The following PCDHGA11 variants were observed in gnomAD, a reference collection of about 807,000 sequenced individuals.
The protein encoded by PCDHGA11 is protocadherin gamma subfamily A, 11.
In PCDHGA11, 39 loss-of-function variants were observed where a neutral mutation model predicts 60.4. That is an observed-to-expected ratio of 0.65 (90% confidence interval 0.50 to 0.84). The LOEUF (loss-of-function observed/expected upper bound fraction) is 0.84. Ranked by LOEUF, PCDHGA11 falls within the 40% of genes least tolerant of loss-of-function variation. PCDHGA11 has a pLI of 0.00. For missense variants in PCDHGA11, 1,165 were observed against 1,197.7 expected (o/e 0.97, Z 0.40); for synonymous variants, 533 against 510.3 (o/e 1.04, Z -0.60).
rs768135284 is a variant in PCDHGA11, at chr5:141,489,277, T to C, written c.2434-5530T>C. ...GACACTCCCACAGCTCGCTGGGAAA[T>C]GGCAAGTGCTGTGCATGTTGTCCTT... On this transcript the variant is annotated intron_variant, in intron 1 of 3. Transcript: ENST00000398587. This position sits in a 1 kb window ranked among gnomAD's most constrained non-coding sequence, Gnocchi z 4.5. 7.1e-6 allele frequency: 11 copies of C among 1,556,078 alleles called. No individual in the cohort carries two copies. Among genetic ancestry groups the C allele is most frequent in the South Asian group, 3.7e-5 (3 of 80,348 alleles).
rs2099747616 is a variant in PCDHGA11 at position 141,493,318 on chromosome 5, TA to T, written c.2434-1487del. 6.6e-6 allele frequency among the ~76,000 whole-genome samples: 1 copy of T among 152,234 alleles called. No homozygotes were observed. Among genetic ancestry groups the T allele is most frequent in the South Asian group, 2.1e-4 (1 of 4,828 alleles). On this transcript the variant is annotated intron_variant, in intron 1 of 3. Coordinates refer to ENST00000398587, the MANE Select transcript of PCDHGA11 (RefSeq NM_018914.3). This position sits in a 1 kb window ranked among gnomAD's most constrained non-coding sequence, Gnocchi z 4.3. ...TTCACAGAGCAAGTAAGAGAGATTC[TA>T]ACCCCTGTCTAACTCCAGAATGTGT...
At chr5:141,505,977 G>A (rs944259753) in intron 3 of PCDHGA11, among the ~76,000 whole-genome samples, 1 of 152,150 alleles carries the variant, frequency 6.6e-6, no homozygotes, top group East Asian at 1.9e-4. Flanking sequence ...CCAGCCGAGA[G>A]AACACCTCCT....
chr5:141,467,952 C>A (rs1341210155), intron 1 of PCDHGA11, among the ~76,000 whole-genome samples: 1 of 152,186 alleles, frequency 6.6e-6, no homozygotes, highest in Non-Finnish European at 1.5e-5. Flanking sequence ...AGCCACCACA[C>A]CCGGCTGCCA....
chr5:141,426,958 C>A (rs1176636556), intron 1 of PCDHGA11: 1 of 456,728 alleles, frequency 2.2e-6, no homozygotes, highest in South Asian at 1.5e-5. Context: ...GGCACTGCTG[C>A]AATTCAAATT....
chr5:141,431,828 C>T lies in PCDHGA11; in HGVS notation c.2433+8168C>T. The T allele has an allele frequency of 6.2e-7, 1 of 1,610,208 alleles. No individual in the cohort carries two copies. Among genetic ancestry groups the T allele is most frequent in the Non-Finnish European group, 8.5e-7 (1 of 1,176,374 alleles). On this transcript the variant is annotated intron_variant, in intron 1 of 3. Transcript: ENST00000398587. This position sits in a 1 kb window ranked among gnomAD's most constrained non-coding sequence, Gnocchi z 4.8. Reference sequence around the variant, plus strand: ...CCTCACCTCTCTCGCCAGCTCGGTTCCCGAAAACTCTCCCAGAGGGACATT... The same window carrying T: ...CCTCACCTCTCTCGCCAGCTCGGTTTCCGAAAACTCTCCCAGAGGGACATT...
Position 141,511,502 on chromosome 5 carries a change from A to C in PCDHGA11, c.*329A>C. The C allele has an allele frequency of 2.0e-5, 8 of 395,260 alleles. No individual in the cohort carries two copies. The highest frequency in any genetic ancestry group is 4.1e-5 in the African/African-American group (2 of 48,892). The allele number at this position is 395,260 out of a possible 1,614,324, so 24.5% of individuals were successfully genotyped here. A position where few individuals can be genotyped will look rare whatever the true frequency, so the allele number is the denominator to read the frequency against. ...CTGAACTCCTCCATCTTCCAAATCA[A>C]TCAGGCCCATCCATCCCATGCCTCC... On this transcript the variant is annotated 3_prime_UTR_variant, in exon 4 of 4. Transcript: ENST00000398587.
chr5:141,477,438 C>G lies in PCDHGA11; in HGVS notation c.2434-17369C>G. 6.2e-7 allele frequency: 1 copy of G among 1,614,174 alleles called. No homozygotes were observed. Among genetic ancestry groups the G allele is most frequent in the Non-Finnish European group, 8.5e-7 (1 of 1,180,030 alleles). On this transcript the variant is annotated intron_variant, in intron 1 of 3. Coordinates refer to ENST00000398587, the MANE Select transcript of PCDHGA11 (RefSeq NM_018914.3). The surrounding 1 kb of genome is among the most constrained non-coding windows in gnomAD (Gnocchi z 4.9). ...GGAACCCCTTCCCTCTCAGCCCTTACAATAGTGCGTGTTCAAGTGTCCGAC... is the reference window on the plus strand; with the variant it reads ...GGAACCCCTTCCCTCTCAGCCCTTAGAATAGTGCGTGTTCAAGTGTCCGAC...
At chr5:141,461,963 C>T (rs1396490046) in intron 1 of PCDHGA11, among the ~76,000 whole-genome samples, 1 of 152,084 alleles carries the variant, frequency 6.6e-6, no homozygotes, top group Non-Finnish European at 1.5e-5. Flanking sequence ...AGCTGGGATT[C>T]CAGGCATATG....
chr5:141,490,346 TG>T lies in PCDHGA11; in HGVS notation c.2434-4457del, dbSNP rs1458588422. ...GAGAGCACACCAGTGGGCACAGTAG[TG>T]GGGTTGTTTAATGTGCGAGACCGGG... On this transcript the variant is annotated intron_variant, in intron 1 of 3. Coordinates refer to ENST00000398587, the MANE Select transcript of PCDHGA11 (RefSeq NM_018914.3). The surrounding 1 kb of genome is among the most constrained non-coding windows in gnomAD (Gnocchi z 5.4). 1.2e-6 allele frequency: 2 copies of T among 1,614,164 alleles called. No individual in the cohort carries two copies. The highest frequency in any genetic ancestry group is 3.3e-5 in the Admixed American group (2 of 60,032).
chr5:141,455,753 G>T (rs2098830630), intron 1 of PCDHGA11, among the ~76,000 whole-genome samples: 1 of 152,074 alleles, frequency 6.6e-6, no homozygotes, highest in Non-Finnish European at 1.5e-5. Flanking sequence ...TGCTGGCCTG[G>T]CTCCTAGAGC....
chr5:141,498,672 C>T (rs1034911993), intron 2 of PCDHGA11, among the ~76,000 whole-genome samples: 3 of 152,218 alleles, frequency 2.0e-5, no homozygotes, highest in South Asian at 4.1e-4. Context: ...TGGCTCACGC[C>T]TGTAATCCCA....
chr5:141,444,565 C>G (rs2098441175), intron 1 of PCDHGA11, among the ~76,000 whole-genome samples: 1 of 152,124 alleles, frequency 6.6e-6, no homozygotes, highest in Non-Finnish European at 1.5e-5. Flanking sequence ...TTATTTGACA[C>G]TTTTGACTCT....
Position 141,432,617 on chromosome 5 carries a change from G to T in PCDHGA11, c.2433+8957G>T, listed in dbSNP as rs2097521313. The T allele has an allele frequency of 6.2e-7, 1 of 1,613,578 alleles. No homozygotes were observed. The highest frequency in any genetic ancestry group is 1.3e-5 in the African/African-American group (1 of 74,842). On this transcript the variant is annotated intron_variant, in intron 1 of 3. Coordinates refer to ENST00000398587, the MANE Select transcript of PCDHGA11 (RefSeq NM_018914.3). This position sits in a 1 kb window ranked among gnomAD's most constrained non-coding sequence, Gnocchi z 6.0. ...CAGCGAGCCGGGACTCTTCTCGGTGGGTCTGCACACGGGCGAGGTGCGCAC... is the reference window on the plus strand; with the variant it reads ...CAGCGAGCCGGGACTCTTCTCGGTGTGTCTGCACACGGGCGAGGTGCGCAC...
intron 1 of PCDHGA11, chr5:141,433,097 G>C: frequency 6.2e-7 from 1 of 1,614,162 alleles, no homozygotes; most frequent in Non-Finnish European, 8.5e-7. Context: ...AGACATGCTC[G>C]TCAGCCAGGA....
chr5:141,483,730 T>G (rs999201456), intron 1 of PCDHGA11, among the ~76,000 whole-genome samples: 1 of 152,014 alleles, frequency 6.6e-6, no homozygotes, highest in Non-Finnish European at 1.5e-5. Flanking sequence ...CCCACCATAG[T>G]CAAAAGGATA....
In PCDHGA11 at chr5:141,431,354, G is replaced by T. The variant is rs777198567; in HGVS notation, c.2433+7694G>T. The T allele has an allele frequency of 1.9e-6, 3 of 1,614,036 alleles. No individual in the cohort carries two copies. In the South Asian group the frequency reaches 3.3e-5, roughly 18 times the overall value. ...GTACCCCGAATTGGTGCTGAAACGC[G>T]CCCTGGACCGCGAAGAAAAGGCTGC... On this transcript the variant is annotated intron_variant, in intron 1 of 3. Coordinates refer to ENST00000398587, the MANE Select transcript of PCDHGA11 (RefSeq NM_018914.3). This position sits in a 1 kb window ranked among gnomAD's most constrained non-coding sequence, Gnocchi z 4.8.
At chr5:141,510,824 A>G (rs947400590) in intron 3 of PCDHGA11, 123 bp from the exon 4 acceptor site, 2 of 1,563,416 alleles carry the variant, frequency 1.3e-6, no homozygotes, top group Non-Finnish European at 1.7e-6. Flanking sequence ...CTATATTCCC[A>G]GTGCTCAGCG....
At chr5:141,468,737 G>A (rs1288031024) in intron 1 of PCDHGA11, among the ~76,000 whole-genome samples, 1 of 151,948 alleles carries the variant, frequency 6.6e-6, no homozygotes, top group African/African-American at 2.4e-5. Context: ...GTGGTGGCGG[G>A]TGCCTGTAGT....
intron 1 of PCDHGA11, chr5:141,430,820 G>C (rs1194897001): frequency 6.5e-7 from 1 of 1,541,598 alleles, no homozygotes; most frequent in East Asian, 2.3e-5. Context: ...AATCCTCCTG[G>C]GGACTCTGTG....
Sources: gnomAD v4.1 joint callset for allele counts (sites outside exome capture counted in the v4.1 genomes callset) on GRCh38, gnomAD v4.1.1 for gene constraint, Gnocchi (gnomAD v3.1) non-coding constraint, MANE v1.5 for transcripts, NCBI Gene and HGNC (gene_info 2026-07-23, HGNC 2026-07-21) for gene names.